Variants in RABEPK observed in about 807,000 individuals in gnomAD.
The protein encoded by RABEPK is 40 kDa Rab9 effector protein.
Under a neutral mutation model 34.1 loss-of-function variants are expected in RABEPK, and 27 were observed. The ratio of observed to expected loss-of-function variants is 0.79; its 90% CI spans 0.58 to 1.09. The LOEUF (loss-of-function observed/expected upper bound fraction) is 1.09, where lower values mean the gene tolerates loss of function less well. RABEPK is among the 50% of genes least tolerant of loss of function. The probability of loss-of-function intolerance (pLI) is 0.00; values close to 1 mark genes in which losing one functional copy is unlikely to be tolerated. For synonymous variants in RABEPK, 172 were observed against 169.2 expected (o/e 1.02, Z -0.13); for missense variants, 449 against 462.6 (o/e 0.97, Z 0.27).
At chr9:125,232,040 C>T (rs1832221071) in intron 6 of RABEPK, among the ~76,000 whole-genome samples, 2 of 151,424 alleles carry the variant, frequency 1.3e-5, no homozygotes, top group African/African-American at 4.8e-5. Flanking sequence ...GCTGGGATTA[C>T]AGGCATGCAC....
At chr9:125,212,497 G>A (rs1830651047) in intron 3 of RABEPK, among the ~76,000 whole-genome samples, 2 of 151,974 alleles carry the variant, frequency 1.3e-5, no homozygotes, top group Admixed American at 6.6e-5. Context: ...GGGATTACAG[G>A]CATGAGCCAC....
chr9:125,219,172 CT>C (rs11349958), intron 4 of RABEPK, among the ~76,000 whole-genome samples: 94,507 of 122,336 alleles, frequency 0.77, 36,136 homozygotes, highest in African/African-American at 0.92. Context: ...ATAGTATTGT[CT>C]TTTTTTTTTT....
chr9:125,209,357 C>T (rs1483260045), intron 3 of RABEPK, among the ~76,000 whole-genome samples: 1 of 140,096 alleles, frequency 7.1e-6, no homozygotes, highest in Non-Finnish European at 1.5e-5. Flanking sequence ...CCACACCAGC[C>T]TTTTTTTTTT....
intron 4 of RABEPK, 51 bp downstream of exon 4, chr9:125,213,573 G>GCACA: frequency 4.3e-6 from 6 of 1,382,638 alleles, no homozygotes; most frequent in Non-Finnish European, 6.1e-6. Flanking sequence ...AAACTTTCAT[G>GCACA]CACACACACA....
chr9:125,210,777 T>C (rs1016039732), intron 3 of RABEPK, among the ~76,000 whole-genome samples: 16 of 150,846 alleles, frequency 1.1e-4, no homozygotes, highest in Non-Finnish European at 2.1e-4. Context: ...AGTTGAACAA[T>C]GGTGACCCAC....
At chr9:125,203,342 C>G (rs910728849) in intron 2 of RABEPK, among the ~76,000 whole-genome samples, 31 of 152,258 alleles carry the variant, frequency 2.0e-4, no homozygotes, top group Admixed American at 7.2e-4. Flanking sequence ...GTGTCTTCCC[C>G]CGAGCTCTGA....
rs1829865724 is a variant in RABEPK, at chr9:125,200,907, G to C, written c.-7+1G>C. ...CAGCTGTCAGTGGCCTAGGCCGCAGGTGAGATTTATCCATTCATCTCTCAA... is the reference window on the plus strand; with the variant it reads ...CAGCTGTCAGTGGCCTAGGCCGCAGCTGAGATTTATCCATTCATCTCTCAA... On this transcript the variant is annotated splice_donor_variant, in intron 1 of 7. Transcript: ENST00000373538. LOFTEE classifies it low-confidence loss of function (5UTR_SPLICE). 3 of 468,810 alleles carry C rather than the reference G, an allele frequency of 6.4e-6. No individual in the cohort carries two copies. The highest frequency in any genetic ancestry group is 4.7e-5 in the South Asian group (3 of 64,496). 29.0% of individuals were successfully genotyped at this position (468,810 alleles called of 1,614,324 possible).
rs1830714100 is a variant in RABEPK, at chr9:125,213,416, G to C, written c.258G>C (p.Arg86=). The C allele has an allele frequency of 2.5e-6, 4 of 1,613,910 alleles. No individual in the cohort carries two copies. The highest frequency in any genetic ancestry group is 2.5e-6 in the Non-Finnish European group (3 of 1,179,988). The change falls in exon 4 of 8, where the codon CGG becomes CGC. Residue 86 remains arginine, a synonymous_variant. Transcript: ENST00000373538. ...DLDTCKGLLP[R]YEHASFIPSC... ...ATACCTGCAAGGGCCTCTTGCCCCGGTATGAACATGCTAGCTTCATTCCCT... is the reference window on the plus strand; with the variant it reads ...ATACCTGCAAGGGCCTCTTGCCCCGCTATGAACATGCTAGCTTCATTCCCT...
intron 5 of RABEPK, among the ~76,000 whole-genome samples, chr9:125,225,379 C>T (rs1295602635): frequency 9.8e-6 from 1 of 101,632 alleles, no homozygotes; most frequent in African/African-American, 4.7e-5. Flanking sequence ...AAGAGCACAA[C>T]TCCATCTCAA....
intron 1 of RABEPK, among the ~76,000 whole-genome samples, chr9:125,201,852 T>A (rs1588315745): frequency 6.6e-6 from 1 of 151,258 alleles, no homozygotes; most frequent in Non-Finnish European, 1.5e-5. Flanking sequence ...GACCTCATGA[T>A]CCGCCTGCCT....
intron 5 of RABEPK, among the ~76,000 whole-genome samples, chr9:125,224,128 A>G (rs1048712196): frequency 2.0e-5 from 3 of 149,520 alleles, no homozygotes; most frequent in African/African-American, 7.4e-5. Flanking sequence ...TGGAGGAGGC[A>G]GAGGTTGCAG....
chr9:125,200,722 C>A lies in RABEPK; in HGVS notation c.-191C>A, dbSNP rs1037532187. On this transcript the variant is annotated 5_prime_UTR_variant, in exon 1 of 8. Transcript: ENST00000373538. ...GGGGAAGGGCCTTCCCTGGCTCCGT[C>A]CCGGCCACTTTGACCGAATCAGCCT... 2 of 471,236 alleles carry A rather than the reference C, an allele frequency of 4.2e-6. No individual in the cohort carries two copies. The highest frequency in any genetic ancestry group is 2.3e-5 in the Admixed American group (1 of 42,586). The allele number at this position is 471,236 out of a possible 1,614,324, so 29.2% of individuals were successfully genotyped here.
chr9:125,208,700 T>C (rs546030418), intron 3 of RABEPK, among the ~76,000 whole-genome samples: 48 of 152,118 alleles, frequency 3.2e-4, no homozygotes, highest in African/African-American at 1.2e-3. Context: ...TACACCCAGC[T>C]AATCTTTTGT....
intron 6 of RABEPK, among the ~76,000 whole-genome samples, chr9:125,228,680 A>G (rs984818671): frequency 5.4e-5 from 8 of 148,338 alleles, no homozygotes; most frequent in African/African-American, 7.5e-5. Context: ...AAAAAAAAAA[A>G]AAGCCGGGCT....
intron 3 of RABEPK, among the ~76,000 whole-genome samples, chr9:125,209,143 C>T (rs1830431420): frequency 6.7e-6 from 1 of 149,388 alleles, no homozygotes; most frequent in Non-Finnish European, 1.5e-5. Context: ...TTACTGCAAC[C>T]TCTGCCTCCT....
At chr9:125,227,456 C>T (rs146281339) in intron 5 of RABEPK, among the ~76,000 whole-genome samples, 1 of 151,616 alleles carries the variant, frequency 6.6e-6, no homozygotes, top group African/African-American at 2.4e-5. Flanking sequence ...GAGTCTTGCT[C>T]TGTCGCCCAG....
At position 125,211,248 on chromosome 9, in the gene RABEPK, A is replaced by G. The variant is rs75847904; in HGVS notation, c.212-2122A>G. Among the ~76,000 whole-genome samples the G allele has an allele frequency of 1.9e-3, 292 of 151,254 alleles. 7 individuals are homozygous for G. The East Asian group carries it at 0.043, about 22-fold the overall frequency. The stretch of plus-strand genomic sequence containing the variant: ...CGAGACGCCATCTCAAAAAAAAAAG[A>G]AAGTGATTCTCCTGCCTCATACTCC... On this transcript the variant is annotated intron_variant, in intron 3 of 7. Coordinates refer to ENST00000373538, the MANE Select transcript of RABEPK (RefSeq NM_005833.4).
intron 6 of RABEPK, among the ~76,000 whole-genome samples, chr9:125,230,597 G>A (rs1417077749): frequency 2.7e-5 from 4 of 150,804 alleles, no homozygotes; most frequent in African/African-American, 7.3e-5. Context: ...GTGCAGTGGT[G>A]CAATCTTGGC....
intron 4 of RABEPK, among the ~76,000 whole-genome samples, chr9:125,218,529 T>A (rs187810925): frequency 6.6e-6 from 1 of 152,040 alleles, no homozygotes; most frequent in African/African-American, 2.4e-5. Flanking sequence ...CCATTGAGGG[T>A]GCTCAATTAA....
Sources: gnomAD v4.1 joint callset for allele counts (sites outside exome capture counted in the v4.1 genomes callset) on GRCh38, gnomAD v4.1.1 for gene constraint, MANE v1.5 for transcripts, NCBI Gene and HGNC (gene_info 2026-07-23, HGNC 2026-07-21) for gene names.